The following ASH1L variants were observed in gnomAD, a reference collection of about 807,000 sequenced individuals.
ASH1L encodes histone-lysine N-methyltransferase ASH1L.
Under a neutral mutation model 269.0 loss-of-function variants are expected in ASH1L, and 23 were observed. That is an observed-to-expected ratio of 0.09 (90% CI 0.06 to 0.12). The LOEUF (loss-of-function observed/expected upper bound fraction) is 0.12. Among genes scored for constraint, ASH1L ranks in the 10% least tolerant of loss-of-function variants. ASH1L has a pLI of 1.00. For synonymous variants in ASH1L, 1,187 were observed against 1,253.5 expected (o/e 0.95, Z 1.12); for missense variants, 2,912 against 3,567.8 (o/e 0.82, Z 4.68).
At chr1:155,409,153 T>C (rs1421970165) in intron 6 of ASH1L, among the ~76,000 whole-genome samples, 2 of 151,906 alleles carry the variant, frequency 1.3e-5, no homozygotes, top group South Asian at 2.1e-4. Flanking sequence ...GCCTCCCAAA[T>C]AGCTGGGACT....
At chr1:155,502,856 T>G (rs1236662584) in intron 2 of ASH1L, among the ~76,000 whole-genome samples, 5 of 152,196 alleles carry the variant, frequency 3.3e-5, no homozygotes, top group Non-Finnish European at 5.9e-5. Context: ...TTATCTTAGG[T>G]AATTTTAGTT....
chr1:155,433,337 T>G, intron 5 of ASH1L: 2 of 1,588,214 alleles, frequency 1.3e-6, no homozygotes, highest in Non-Finnish European at 1.7e-6. Flanking sequence ...GGGAGTTGGG[T>G]CAGGCTCTGA....
In ASH1L at chr1:155,376,969, A is replaced by G. The variant is rs548389563; in HGVS notation, c.6332+1312T>C. On this transcript the variant is annotated intron_variant, in intron 10 of 27. Transcript: ENST00000392403. ...GTTGCCCAGGCTGGAGTGCAATGGC[A>G]GGACCTTGGCTCACTGCAACCTCTG... Among the ~76,000 whole-genome samples, 10 of 150,360 alleles carry G rather than the reference A, an allele frequency of 6.7e-5. No homozygotes were observed. The East Asian group carries it at 1.6e-3, about 24-fold the overall frequency.
intron 1 of ASH1L, among the ~76,000 whole-genome samples, chr1:155,542,890 A>G (rs771889915): frequency 2.0e-5 from 3 of 151,764 alleles, no homozygotes; most frequent in African/African-American, 7.3e-5. Context: ...CATGTTGGTC[A>G]GGCTGCCTGA....
chr1:155,360,447 T>A (rs1379386154), intron 12 of ASH1L, 38 bp from the exon 13 acceptor site: 24 of 391,528 alleles, frequency 6.1e-5, no homozygotes, highest in South Asian at 2.4e-4. Context: ...AGGCTGGAAA[T>A]TTTTTTTTTT....
intron 1 of ASH1L, among the ~76,000 whole-genome samples, chr1:155,531,393 G>C (rs1401433731): frequency 6.6e-6 from 1 of 151,022 alleles, no homozygotes; most frequent in East Asian, 1.9e-4. Flanking sequence ...GAGTCTCCCT[G>C]TCACCCAGGC....
At chr1:155,339,198 T>A (rs1652556094) in intron 26 of ASH1L, 130 bp downstream of exon 26, 1 of 764,896 alleles carries the variant, frequency 1.3e-6, no homozygotes, top group Non-Finnish European at 2.2e-6. Context: ...GTGCTGGCAC[T>A]ACACTGGGCT....
intron 6 of ASH1L, among the ~76,000 whole-genome samples, chr1:155,412,377 C>G (rs1208612934): frequency 6.6e-6 from 1 of 152,046 alleles, no homozygotes; most frequent in African/African-American, 2.4e-5. Context: ...CCATTGCACT[C>G]CAGCCTGGTT....
intron 1 of ASH1L, among the ~76,000 whole-genome samples, chr1:155,559,690 T>C (rs1031145040): frequency 6.6e-6 from 1 of 152,178 alleles, no homozygotes; most frequent in African/African-American, 2.4e-5. Flanking sequence ...TCTAGGAATG[T>C]TTCCCTCTTC....
At chr1:155,364,372 G>A (rs761632796) in intron 12 of ASH1L, among the ~76,000 whole-genome samples, 15 of 152,140 alleles carry the variant, frequency 9.9e-5, no homozygotes, top group Non-Finnish European at 2.1e-4. Flanking sequence ...CTGGTTTACC[G>A]GTTATGTTTA....
chr1:155,504,882 T>G (rs910301425), intron 2 of ASH1L, among the ~76,000 whole-genome samples: 2 of 151,448 alleles, frequency 1.3e-5, no homozygotes, highest in Admixed American at 6.6e-5. Context: ...GATTTACCAT[T>G]ACAGCTATAA....
chr1:155,414,175 G>A (rs1248537015), intron 6 of ASH1L, among the ~76,000 whole-genome samples: 1 of 152,046 alleles, frequency 6.6e-6, no homozygotes, highest in Non-Finnish European at 1.5e-5. Context: ...AAACTGTGAG[G>A]TGAGAGTTTT....
chr1:155,386,069 ATTT>A (rs200039089), intron 7 of ASH1L, among the ~76,000 whole-genome samples: 1 of 139,710 alleles, frequency 7.2e-6, no homozygotes, highest in African/African-American at 2.6e-5. Flanking sequence ...TCCCTTGCCC[ATTT>A]TTTTTTTTTT....
chr1:155,379,298 A>G (rs1207747971), intron 8 of ASH1L, among the ~76,000 whole-genome samples: 1 of 152,192 alleles, frequency 6.6e-6, no homozygotes, highest in African/African-American at 2.4e-5. Flanking sequence ...TACCTAACAT[A>G]TTAATACTCT....
chr1:155,430,288 C>G (rs1257379033), intron 5 of ASH1L, among the ~76,000 whole-genome samples: 1 of 151,934 alleles, frequency 6.6e-6, no homozygotes, highest in Non-Finnish European at 1.5e-5. Context: ...TTTATGTATT[C>G]TCTTTAGATG....
intron 2 of ASH1L, among the ~76,000 whole-genome samples, chr1:155,492,182 T>C (rs976230735): frequency 6.6e-6 from 1 of 151,920 alleles, no homozygotes; most frequent in Non-Finnish European, 1.5e-5. Context: ...ATTACAGGCA[T>C]GTGCCACTGC....
chr1:155,366,274 G>A (rs901564583), intron 12 of ASH1L, among the ~76,000 whole-genome samples: 9 of 152,150 alleles, frequency 5.9e-5, no homozygotes, highest in African/African-American at 2.2e-4. Context: ...CTATGGCAAC[G>A]TCAGAAAGTT....
chr1:155,340,516 G>A (rs1360559531), intron 25 of ASH1L, among the ~76,000 whole-genome samples: 4 of 152,078 alleles, frequency 2.6e-5, no homozygotes, highest in Admixed American at 2.0e-4. Flanking sequence ...CAGGGTGACA[G>A]CTATGACTTT....
At chr1:155,394,346 T>C (rs376843324) in intron 7 of ASH1L, among the ~76,000 whole-genome samples, 9 of 152,186 alleles carry the variant, frequency 5.9e-5, no homozygotes, top group African/African-American at 2.2e-4. Flanking sequence ...GTCAAGAAGT[T>C]TGCATTTTAA....
Sources: gnomAD v4.1 joint callset for allele counts (sites outside exome capture counted in the v4.1 genomes callset) on GRCh38, gnomAD v4.1.1 for gene constraint, MANE v1.5 for transcripts, NCBI Gene and HGNC (gene_info 2026-07-23, HGNC 2026-07-21) for gene names.